Variants in PRDM1 observed in about 807,000 individuals in gnomAD.
The protein encoded by PRDM1 is PR/SET domain 1.
In PRDM1, 13 loss-of-function variants were observed where a neutral mutation model predicts 62.8. The observed-to-expected ratio is 0.21, with a 90% CI of 0.13 to 0.33. The LOEUF (loss-of-function observed/expected upper bound fraction) is 0.33, where lower values mean the gene tolerates loss of function less well. Ranked by LOEUF, PRDM1 falls within the 10% of genes least tolerant of loss-of-function variation. PRDM1 has a pLI of 1.00. For synonymous variants in PRDM1, 396 were observed against 417.6 expected (o/e 0.95, Z 0.63); for missense variants, 895 against 1,058.8 (o/e 0.85, Z 2.15).
chr6:106,083,378 T>G (rs1235398797), upstream of PRDM1, among the ~76,000 whole-genome samples: 1 of 152,080 alleles, frequency 6.6e-6, no homozygotes, highest in Non-Finnish European at 1.5e-5. Flanking sequence ...TTTTTTTACC[T>G]TAGGAAAAAA....
chr6:106,108,463 G>A lies in PRDM1; in HGVS notation c.*977G>A, dbSNP rs1270777942. ...ATTTCCCCAAAGCATAGGTGGCTTT[G>A]TGTGTGTGCGATTTGGGGGCTTGAG... is the stretch of plus-strand genomic sequence containing the variant. On this transcript the variant is annotated 3_prime_UTR_variant, in exon 7 of 7. Coordinates refer to ENST00000369096, the MANE Select transcript of PRDM1 (RefSeq NM_001198.4). The A allele has an allele frequency of 4.4e-5, 10 of 228,560 alleles. No individual in the cohort carries two copies. Among genetic ancestry groups the A allele is most frequent in the African/African-American group, 2.3e-4 (10 of 43,930 alleles). 14.2% of individuals were successfully genotyped at this position (228,560 alleles called of 1,614,324 possible).
intron 1 of PRDM1, among the ~76,000 whole-genome samples, chr6:106,033,457 ATGT>A (rs1451219427): frequency 1.3e-5 from 2 of 151,688 alleles, no homozygotes; most frequent in Non-Finnish European, 2.9e-5. Flanking sequence ...CCTGGAGATT[ATGT>A]ATAATATTTC....
At chr6:106,063,147 C>T (rs1051420491) in intron 1 of PRDM1, among the ~76,000 whole-genome samples, 1 of 152,170 alleles carries the variant, frequency 6.6e-6, no homozygotes, top group African/African-American at 2.4e-5. Flanking sequence ...AACTCAACAC[C>T]TCCTTTCCAG....
upstream of PRDM1, among the ~76,000 whole-genome samples, chr6:106,044,174 G>A (rs567918141): frequency 7.6e-6 from 1 of 131,556 alleles, no homozygotes; most frequent in East Asian, 2.2e-4. Context: ...ATCACTTTTT[G>A]TTCTTTCCTT....
At position 106,026,252 on chromosome 6, in the gene PRDM1, G is replaced by A. The variant is rs1006601896; in HGVS notation, c.-67+32613G>A. 3.9e-5 allele frequency among the ~76,000 whole-genome samples: 6 copies of A among 152,308 alleles called. No individual in the cohort carries two copies. In the South Asian group the frequency reaches 6.2e-4, roughly 16 times the overall value. ...CTAGCACTTTGAGAGGCCAAGGCAGGAGGATCACCTGAGGTCGGGAGTTCG... is the reference window on the plus strand; with the variant it reads ...CTAGCACTTTGAGAGGCCAAGGCAGAAGGATCACCTGAGGTCGGGAGTTCG... On this transcript the variant is annotated intron_variant, in intron 1 of 6. Coordinates refer to the PRDM1 transcript ENST00000652320.
At chr6:106,098,927 T>A in intron 3 of PRDM1, 1 of 1,516,306 alleles carries the variant, frequency 6.6e-7, no homozygotes, top group Non-Finnish European at 8.8e-7. Context: ...GTCAGCATAA[T>A]CGGAACTGAA....
intron 1 of PRDM1, among the ~76,000 whole-genome samples, chr6:106,052,951 AGTG>A (rs1032383741): frequency 1.3e-5 from 2 of 152,070 alleles, no homozygotes; most frequent in African/African-American, 4.8e-5. Context: ...TGTACAACAG[AGTG>A]AGACTCTATC....
Position 106,099,561 on chromosome 6 carries a change from A to T in PRDM1, c.664+9A>T. 1 of 1,612,272 alleles carries T rather than the reference A, an allele frequency of 6.2e-7. No homozygotes were observed. The highest frequency in any genetic ancestry group is 8.5e-7 in the Non-Finnish European group (1 of 1,178,794). ...GACAATGATGAATCTCAGTAAGTGG[A>T]TTACAGAACAAAAAAATAAAAAATG... is the stretch of plus-strand genomic sequence containing the variant. On this transcript the variant is annotated intron_variant, in intron 4 of 6. Coordinates refer to ENST00000369096, the MANE Select transcript of PRDM1 (RefSeq NM_001198.4).
intron 1 of PRDM1, among the ~76,000 whole-genome samples, chr6:106,040,286 G>A (rs1772975627): frequency 6.6e-6 from 1 of 152,196 alleles, no homozygotes; most frequent in African/African-American, 2.4e-5. Context: ...TGAATTGATT[G>A]ATTTGTCCTC....
chr6:106,091,205 C>CA (rs146044924), intron 2 of PRDM1, among the ~76,000 whole-genome samples: 20,527 of 152,148 alleles, frequency 0.13, 1,797 homozygotes, highest in Middle Eastern at 0.2. Flanking sequence ...AGACTGCTTG[C>CA]ACTCAAGAGG....
At chr6:106,021,190 G>A (rs1772692694) in intron 1 of PRDM1, among the ~76,000 whole-genome samples, 1 of 152,144 alleles carries the variant, frequency 6.6e-6, no homozygotes, top group African/African-American at 2.4e-5. Context: ...CAGACTTCAG[G>A]CTTACTGACA....
chr6:106,004,718 A>G (rs140170422), intron 1 of PRDM1, among the ~76,000 whole-genome samples: 32 of 152,228 alleles, frequency 2.1e-4, no homozygotes, highest in African/African-American at 7.5e-4. Context: ...GCTGTTATGA[A>G]TATATTAAAA....
chr6:106,009,753 C>A (rs1486036952), intron 1 of PRDM1, among the ~76,000 whole-genome samples: 1 of 152,028 alleles, frequency 6.6e-6, no homozygotes, highest in East Asian at 1.9e-4. Flanking sequence ...AGTCTTGCTC[C>A]ATTGCCCAGG....
intron 1 of PRDM1, among the ~76,000 whole-genome samples, chr6:105,997,844 T>A (rs7757841): frequency 0.91 from 138,911 of 152,260 alleles, 63,476 homozygotes; most frequent in African/African-American, 0.96. Flanking sequence ...TAGATTATGG[T>A]CTGAAAAAAG....
intron 1 of PRDM1, among the ~76,000 whole-genome samples, chr6:106,055,590 C>T (rs756817364): frequency 1.7e-4 from 26 of 152,174 alleles, no homozygotes; most frequent in Non-Finnish European, 2.9e-4. Context: ...ACAGTTAATA[C>T]GTAAGGGACC....
At chr6:106,029,883 C>A (rs1326357210) in intron 1 of PRDM1, among the ~76,000 whole-genome samples, 1 of 151,866 alleles carries the variant, frequency 6.6e-6, no homozygotes, top group Admixed American at 6.6e-5. Context: ...CCTCCCAAAG[C>A]GTTAGGATTA....
upstream of PRDM1, among the ~76,000 whole-genome samples, chr6:105,993,090 C>G (rs1169472345): frequency 6.6e-6 from 1 of 152,226 alleles, no homozygotes; most frequent in African/African-American, 2.4e-5. Flanking sequence ...GCATTTAGCT[C>G]TCGCAAAACT....
chr6:106,086,727 A>G lies in PRDM1; in HGVS notation c.42+132A>G, dbSNP rs1159205755. 2 of 751,150 alleles carry G rather than the reference A, an allele frequency of 2.7e-6. 1 individual carries two copies. The allele number at this position is 751,150 out of a possible 1,614,324, so 46.5% of individuals were successfully genotyped here. A position where few individuals can be genotyped will look rare whatever the true frequency, so the allele number is the denominator to read the frequency against. ...TAGAAACATGCTTCTGCTTTAGTGCACTTAGTGCTGTCAAACATTTGTGAG... is the reference window on the plus strand; with the variant it reads ...TAGAAACATGCTTCTGCTTTAGTGCGCTTAGTGCTGTCAAACATTTGTGAG... On this transcript the variant is annotated intron_variant, in intron 1 of 6. Coordinates refer to ENST00000369096, the MANE Select transcript of PRDM1 (RefSeq NM_001198.4).
intron 1 of PRDM1, among the ~76,000 whole-genome samples, chr6:106,024,240 G>A (rs919882646): frequency 1.3e-5 from 2 of 152,114 alleles, no homozygotes; most frequent in Non-Finnish European, 2.9e-5. Context: ...ATGGTCCTAC[G>A]GCTGTCTGCA....
Sources: allele counts gnomAD v4.1 joint callset (sites outside exome capture counted in the v4.1 genomes callset), GRCh38; gene constraint gnomAD v4.1.1; transcripts MANE v1.5; gene names NCBI Gene and HGNC (gene_info 2026-07-23, HGNC 2026-07-21).